ACTR3: variants seen among roughly 807,000 people sequenced by gnomAD.
ACTR3 encodes the protein actin related protein 3, also known as actin-related protein 3.
Under a neutral mutation model 56.8 loss-of-function variants are expected in ACTR3, and 12 were observed. That is an observed-to-expected ratio of 0.21 (90% confidence interval 0.14 to 0.34). The LOEUF (loss-of-function observed/expected upper bound fraction) is 0.34, where lower values mean the gene tolerates loss of function less well. Among genes scored for constraint, ACTR3 ranks in the 10% least tolerant of loss-of-function variants. The pLI, the probability that ACTR3 is intolerant of heterozygous loss-of-function variation, is 1.00. For synonymous variants in ACTR3, 162 were observed against 167.4 expected (o/e 0.97, Z 0.25); for missense variants, 282 against 512.5 (o/e 0.55, Z 4.34).
chr2:113,890,948 C>T (rs1366921979), intron 1 of ACTR3, among the ~76,000 whole-genome samples: 2 of 152,190 alleles, frequency 1.3e-5, no homozygotes, highest in African/African-American at 4.8e-5. Flanking sequence ...AACCGGTGAA[C>T]CAAGTCACAT....
chr2:113,904,718 T>C (rs913021159), intron 1 of ACTR3: 1 of 152,226 alleles, frequency 6.6e-6, no homozygotes, highest in Admixed American at 6.5e-5. Context: ...TTTTATTTTG[T>C]TGTTGTTGTT....
chr2:113,901,506 AATC>A (rs1679098907), intron 1 of ACTR3, among the ~76,000 whole-genome samples: 1 of 152,222 alleles, frequency 6.6e-6, no homozygotes. Flanking sequence ...TTTATTTGGT[AATC>A]ATATCTTACA....
intron 2 of ACTR3, among the ~76,000 whole-genome samples, chr2:113,915,897 A>G (rs1679396721): frequency 6.6e-6 from 1 of 152,234 alleles, no homozygotes; most frequent in African/African-American, 2.4e-5. Context: ...ATTAGCAGAT[A>G]GAGACATTGC....
chr2:113,910,791 G>A (rs1679292918), intron 1 of ACTR3, among the ~76,000 whole-genome samples: 1 of 152,138 alleles, frequency 6.6e-6, no homozygotes, highest in Non-Finnish European at 1.5e-5. Flanking sequence ...TTATTCTCTT[G>A]TCCTTTGTAG....
intron 6 of ACTR3, among the ~76,000 whole-genome samples, chr2:113,935,135 T>A (rs1000916005): frequency 1.3e-5 from 2 of 152,154 alleles, no homozygotes; most frequent in Non-Finnish European, 2.9e-5. Context: ...AGACTCCTGG[T>A]CCTCCACCAC....
intron 3 of ACTR3, among the ~76,000 whole-genome samples, chr2:113,924,243 ATT>A (rs1222977721): frequency 3.5e-5 from 5 of 143,734 alleles, no homozygotes; most frequent in Non-Finnish European, 7.7e-5. Context: ...CTAATTAAAA[ATT>A]TTTTTTTTTT....
chr2:113,941,516 C>G (rs1441555109), intron 7 of ACTR3, among the ~76,000 whole-genome samples: 1 of 151,446 alleles, frequency 6.6e-6, no homozygotes, highest in African/African-American at 2.4e-5. Flanking sequence ...TGGATGGTGC[C>G]TGTGATGTGT....
Position 113,944,544 on chromosome 2 carries a change from C to T in ACTR3, c.858+2185C>T, listed in dbSNP as rs1208381514. Among the ~76,000 whole-genome samples the T allele has an allele frequency of 3.1e-5, 4 of 130,884 alleles. 1 individual carries two copies. The highest frequency in any genetic ancestry group is 4.7e-4 in the South Asian group (2 of 4,226). 85.9% of individuals were successfully genotyped at this position (130,884 alleles called of 152,430 possible). ...CGGGCAGATCACGAGGTCAGGAGAT[C>T]GAGACCATCCTGGCTAATATGGTGA... On this transcript the variant is annotated intron_variant, in intron 8 of 11. Coordinates refer to ENST00000263238, the MANE Select transcript of ACTR3 (RefSeq NM_005721.5).
At position 113,961,405 on chromosome 2, in the gene ACTR3, A is replaced by G. The variant is rs1680322744; in HGVS notation, c.*3950A>G. 6.6e-6 allele frequency: 1 copy of G among 152,000 alleles called. No individual in the cohort carries two copies. The highest frequency in any genetic ancestry group is 1.5e-5 in the Non-Finnish European group (1 of 67,890). The allele number at this position is 152,000 out of a possible 1,614,324, so 9.4% of individuals were successfully genotyped here. On this transcript the variant is annotated 3_prime_UTR_variant, in exon 12 of 12. Transcript: ENST00000263238. ...ACGATAGAAATACGTGATCTAGGAA[A>G]GAAGGCAACTGAAAAACCTGAAAGA... is the stretch of plus-strand genomic sequence containing the variant.
chr2:113,942,389 G>C, intron 8 of ACTR3, 30 bp downstream of exon 8: 4 of 1,442,786 alleles, frequency 2.8e-6, no homozygotes, highest in Non-Finnish European at 3.7e-6. Context: ...TTGTTTAAAA[G>C]TATTCAGCAG....
At chr2:113,896,527 G>A (rs768171633) in intron 1 of ACTR3, among the ~76,000 whole-genome samples, 1 of 152,196 alleles carries the variant, frequency 6.6e-6, no homozygotes, top group Non-Finnish European at 1.5e-5. Flanking sequence ...TTAAGAAACT[G>A]AGTAAAATTG....
intron 3 of ACTR3, 51 bp from the exon 4 acceptor site, chr2:113,927,293 TG>T: frequency 1.6e-6 from 2 of 1,237,126 alleles, no homozygotes; most frequent in Admixed American, 4.8e-5. Context: ...TATTTTTATT[TG>T]TTTTTTATAT....
chr2:113,941,563 A>G lies in ACTR3; in HGVS notation c.685-623A>G, dbSNP rs1035316759. On this transcript the variant is annotated intron_variant, in intron 7 of 11. Transcript: ENST00000263238. ...AAAAGGAAGTTTTTTTAAAAAAATA[A>G]AACAAATATTGGTTGGCAGTTGGGA... Among the ~76,000 whole-genome samples the G allele has an allele frequency of 2.6e-5, 4 of 152,278 alleles. No homozygotes were observed. The East Asian group carries it at 7.7e-4, about 29-fold the overall frequency.
intron 6 of ACTR3, among the ~76,000 whole-genome samples, chr2:113,938,310 T>C (rs1679864287): frequency 6.6e-6 from 1 of 152,000 alleles, no homozygotes; most frequent in South Asian, 2.1e-4. Flanking sequence ...TATTGTTTGG[T>C]TTTTCTCCTC....
At position 113,957,341 on chromosome 2, in the gene ACTR3, A is replaced by G. The variant is rs1417181569; in HGVS notation, c.1162-19A>G. 1 of 1,584,370 alleles carries G rather than the reference A, an allele frequency of 6.3e-7. No homozygotes were observed. Among genetic ancestry groups the G allele is most frequent in the Non-Finnish European group, 8.7e-7 (1 of 1,153,482 alleles). On this transcript the variant is annotated intron_variant, in intron 11 of 11. Transcript: ENST00000263238. Reference sequence around the variant, plus strand: ...GTAGATTTTTGACCCTTATAAAAATACATATTTTTTGTTTTCAGCCTGAGT... The same window carrying G: ...GTAGATTTTTGACCCTTATAAAAATGCATATTTTTTGTTTTCAGCCTGAGT...
At chr2:113,914,809 T>C (rs1233698686) in intron 2 of ACTR3, among the ~76,000 whole-genome samples, 1 of 152,204 alleles carries the variant, frequency 6.6e-6, no homozygotes, top group Non-Finnish European at 1.5e-5. Flanking sequence ...ACTGCCTAAA[T>C]CTAATACTTC....
At chr2:113,947,528 C>T (rs967169849) in intron 8 of ACTR3, among the ~76,000 whole-genome samples, 5 of 152,136 alleles carry the variant, frequency 3.3e-5, no homozygotes, top group African/African-American at 1.2e-4. Flanking sequence ...GTGGCGTGTG[C>T]CTGTAGTTCC....
At chr2:113,956,202 T>C (rs1395460709) in intron 11 of ACTR3, among the ~76,000 whole-genome samples, 1 of 151,872 alleles carries the variant, frequency 6.6e-6, no homozygotes, top group African/African-American at 2.4e-5. Flanking sequence ...CTGAAGCTTA[T>C]GTTTAAATTT....
chr2:113,958,904 T>C lies in ACTR3; in HGVS notation c.*1449T>C, dbSNP rs2104636479. ...TAGTTTTTTGTTTTTACTCTAAAGA[T>C]AGAATTGGGGAGTAAACTTCAGTTT... On this transcript the variant is annotated 3_prime_UTR_variant, in exon 12 of 12. Coordinates refer to ENST00000263238, the MANE Select transcript of ACTR3 (RefSeq NM_005721.5). 6.6e-6 allele frequency: 1 copy of C among 152,162 alleles called. No individual in the cohort carries two copies. Among genetic ancestry groups the C allele is most frequent in the African/African-American group, 2.4e-5 (1 of 41,562 alleles). The allele number at this position is 152,162 out of a possible 1,614,324, so 9.4% of individuals were successfully genotyped here.
Sources: allele counts gnomAD v4.1 joint callset (sites outside exome capture counted in the v4.1 genomes callset), GRCh38; gene constraint gnomAD v4.1.1; transcripts MANE v1.5; gene names NCBI Gene and HGNC (gene_info 2026-07-23, HGNC 2026-07-21).